The following FBXO41 variants were observed in gnomAD, a reference collection of about 807,000 sequenced individuals.
FBXO41 encodes the protein F-box only protein 41.
FBXO41 carries 33 observed loss-of-function variants against 81.6 expected under a neutral mutation model. That is an observed-to-expected ratio of 0.40 (90% CI 0.31 to 0.54). FBXO41 has a LOEUF of 0.54. Ranked by LOEUF, FBXO41 falls within the 20% of genes least tolerant of loss-of-function variation. The pLI is 0.39. For missense variants in FBXO41, 1,107 were observed against 1,236.0 expected (o/e 0.90, Z 1.56); for synonymous variants, 576 against 552.7 (o/e 1.04, Z -0.59).
At chr2:73,281,334 G>A (rs1688842418) in intron 1 of FBXO41, among the ~76,000 whole-genome samples, 1 of 152,210 alleles carries the variant, frequency 6.6e-6, no homozygotes, top group South Asian at 2.1e-4. Context: ...CTAGGATGAG[G>A]AAACTGAGGC....
rs1197347368 is a variant in FBXO41 at position 73,269,541 on chromosome 2, C to G, written c.90G>C (p.Glu30Asp). The G allele has an allele frequency of 3.7e-6, 5 of 1,367,718 alleles. No homozygotes were observed. The East Asian group carries it at 1.8e-4, about 50-fold the overall frequency. 84.7% of individuals were successfully genotyped at this position (1,367,718 alleles called of 1,614,324 possible). ...RSLSSLRAHL[E>D]YSHTYETLYI... ...AGAGCGTCTCGTAGGTGTGGCTGTA[C>G]TCCAGGTGCGCGCGCAGCGACGACA... Residue 30 changes from glutamate to aspartate, a missense_variant, in exon 2 of 13, where the codon GAG becomes GAC. Physicochemically the swap from Glu to Asp is conservative, Grantham distance 45 (BLOSUM62 2). This residue lies in a region of FBXO41 where 771 missense variants were observed against 789.2 expected (regional missense o/e 0.98). Transcript: ENST00000520530. This position sits in a 1 kb window ranked among gnomAD's most constrained non-coding sequence, Gnocchi z 7.0.
At position 73,260,438 on chromosome 2, in the gene FBXO41, C is replaced by T; in HGVS notation, c.2400G>A (p.Leu800=). The change falls in exon 11 of 13, where the codon CTG becomes CTA. Residue 800 remains leucine (L), a synonymous_variant. Transcript: ENST00000520530. This position sits in a 1 kb window ranked among gnomAD's most constrained non-coding sequence, Gnocchi z 5.0. ...GGGTGACGGGAGTCGCCGTGAGCACCAGCATCTCCAGTCCCTTCAGGCCTT... is the reference window on the plus strand; with the variant it reads ...GGGTGACGGGAGTCGCCGTGAGCACTAGCATCTCCAGTCCCTTCAGGCCTT... The part of the protein sequence containing the change: ...CREGLKGLEM[L]VLTATPVTPK... 10 of 1,610,220 alleles carry T rather than the reference C, an allele frequency of 6.2e-6. No individual in the cohort carries two copies. Among genetic ancestry groups the T allele is most frequent in the African/African-American group, 1.3e-5 (1 of 74,964 alleles).
Position 73,260,694 on chromosome 2 carries a change from T to C in FBXO41, c.2290+46A>G. The C allele has an allele frequency of 6.6e-7, 1 of 1,514,928 alleles. No homozygotes were observed. Among genetic ancestry groups the C allele is most frequent in the Non-Finnish European group, 8.9e-7 (1 of 1,122,428 alleles). The allele number at this position is 1,514,928 out of a possible 1,614,324, so 93.8% of individuals were successfully genotyped here. ...ATTTCACAAGGCAGCACTGCACCCATGCCTGCTTCCCACTACCCACCACCC... is the reference window on the plus strand; with the variant it reads ...ATTTCACAAGGCAGCACTGCACCCACGCCTGCTTCCCACTACCCACCACCC... On this transcript the variant is annotated intron_variant, in intron 10 of 12. Coordinates refer to ENST00000520530, the MANE Select transcript of FBXO41 (RefSeq NM_001371389.2). This position sits in a 1 kb window ranked among gnomAD's most constrained non-coding sequence, Gnocchi z 5.0.
intron 1 of FBXO41, among the ~76,000 whole-genome samples, chr2:73,279,253 G>C (rs923383648): frequency 6.6e-6 from 1 of 152,180 alleles, no homozygotes; most frequent in African/African-American, 2.4e-5. Flanking sequence ...AGGAAAAATG[G>C]AGGAAGGCAA....
intron 1 of FBXO41, among the ~76,000 whole-genome samples, chr2:73,275,495 A>G (rs535424502): frequency 6.6e-6 from 1 of 152,158 alleles, no homozygotes; most frequent in East Asian, 1.9e-4. Context: ...TTTGCATTTT[A>G]TAACCCAGCT....
At chr2:73,273,455 C>T (rs993263768) in intron 1 of FBXO41, among the ~76,000 whole-genome samples, 2 of 152,202 alleles carry the variant, frequency 1.3e-5, no homozygotes, top group African/African-American at 4.8e-5. Flanking sequence ...CCTTTGAGAA[C>T]CATTGCCTGC....
At chr2:73,268,627 G>T in intron 2 of FBXO41, 99 bp downstream of exon 2, 2 of 1,195,508 alleles carry the variant, frequency 1.7e-6, no homozygotes, top group African/African-American at 1.5e-5. Context: ...ACAAAGCCAT[G>T]GCCACATACA....
rs1009979196 is a variant in FBXO41, at chr2:73,269,414, G to A, written c.217C>T (p.Leu73=). ...GFPLAPEPAA[L]LAVPGARREV... Reference sequence around the variant, plus strand: ...CGCCGGGCGCCGGGCACGGCCAGCAGGGCGGCGGGCTCGGGAGCCAGCGGG... The same window carrying A: ...CGCCGGGCGCCGGGCACGGCCAGCAAGGCGGCGGGCTCGGGAGCCAGCGGG... The change falls in exon 2 of 13, where the codon CTG becomes TTG. Residue 73 remains leucine (L), a synonymous_variant. Transcript: ENST00000520530. This position sits in a 1 kb window ranked among gnomAD's most constrained non-coding sequence, Gnocchi z 7.0. The A allele has an allele frequency of 3.5e-6, 5 of 1,409,248 alleles. No individual in the cohort carries two copies. The African/African-American group carries it at 4.5e-5, about 13-fold the overall frequency. The allele number at this position is 1,409,248 out of a possible 1,614,324, so 87.3% of individuals were successfully genotyped here.
rs563381883 is a variant in FBXO41 at position 73,260,279 on chromosome 2, C to T, written c.2449+110G>A. 3 of 1,421,748 alleles carry T rather than the reference C, an allele frequency of 2.1e-6. No individual in the cohort carries two copies. In the Admixed American group the frequency reaches 6.4e-5, roughly 30 times the overall value. 88.1% of individuals were successfully genotyped at this position (1,421,748 alleles called of 1,614,324 possible). ...CTTAACCTGTCCCCCTGCCTCTGCC[C>T]TTGGCTGGAGACTCTGATCCATCTG... is the stretch of plus-strand genomic sequence containing the variant. On this transcript the variant is annotated intron_variant, in intron 11 of 12. Coordinates refer to ENST00000520530, the MANE Select transcript of FBXO41 (RefSeq NM_001371389.2). This position sits in a 1 kb window ranked among gnomAD's most constrained non-coding sequence, Gnocchi z 5.0.
In FBXO41 at chr2:73,284,324, G is replaced by A. The variant is rs1358137032; in HGVS notation, c.-303C>T. 2 of 152,092 alleles carry A rather than the reference G, an allele frequency of 1.3e-5. No individual in the cohort carries two copies. Among genetic ancestry groups the A allele is most frequent in the African/African-American group, 4.8e-5 (2 of 41,434 alleles). 9.4% of individuals were successfully genotyped at this position (152,092 alleles called of 1,614,324 possible). On this transcript the variant is annotated 5_prime_UTR_variant, in exon 1 of 13. Coordinates refer to ENST00000520530, the MANE Select transcript of FBXO41 (RefSeq NM_001371389.2). This position sits in a 1 kb window ranked among gnomAD's most constrained non-coding sequence, Gnocchi z 7.4. ...GGCTAGCGCCCCCGCCTCCCTCTCG[G>A]GGCGGGGGCGGCCGAACCTCCCAGC...
chr2:73,269,719 C>T lies in FBXO41; in HGVS notation c.-89G>A. The T allele has an allele frequency of 3.0e-6, 3 of 986,958 alleles. No homozygotes were observed. The highest frequency in any genetic ancestry group is 3.7e-6 in the Non-Finnish European group (3 of 802,808). The allele number at this position is 986,958 out of a possible 1,614,324, so 61.1% of individuals were successfully genotyped here. A position where few individuals can be genotyped will look rare whatever the true frequency, so the allele number is the denominator to read the frequency against. ...CTCATGGGGGACCGCGGGCGAGGCC[C>T]CCTGCGGGGTCAGGAAGGCTCAGGG... On this transcript the variant is annotated 5_prime_UTR_variant, in exon 2 of 13. Transcript: ENST00000520530. The surrounding 1 kb of genome is among the most constrained non-coding windows in gnomAD (Gnocchi z 7.0).
chr2:73,269,196 A>C lies in FBXO41; in HGVS notation c.435T>G (p.Tyr145Ter). Reference protein sequence around the residue: ...PGLVPAAAARYALREIEIPLG... With the variant: ...PGLVPAAAAR ...GCGGGATCTCGATCTCGCGCAGCGC[A>C]TAGCGCGCTGCTGCGGCGGGCACAA... The change falls in exon 2 of 13, where the codon TAT becomes TAG. Residue 145 changes from tyrosine to a stop codon, truncating the protein, a stop_gained. Coordinates refer to ENST00000520530, the MANE Select transcript of FBXO41 (RefSeq NM_001371389.2). LOFTEE classifies it high-confidence loss of function. This position sits in a 1 kb window ranked among gnomAD's most constrained non-coding sequence, Gnocchi z 7.0. The C allele has an allele frequency of 6.5e-7, 1 of 1,526,772 alleles. No homozygotes were observed. The highest frequency in any genetic ancestry group is 8.8e-7 in the Non-Finnish European group (1 of 1,139,704). 94.6% of individuals were successfully genotyped at this position (1,526,772 alleles called of 1,614,324 possible).
Position 73,265,429 on chromosome 2 carries a change from T to C in FBXO41, c.1417A>G (p.Arg473Gly). Residue 473 changes from arginine to glycine, a missense_variant, in exon 5 of 13, where the codon AGA (arginine) becomes GGA (glycine). Arg to Gly is a moderately radical substitution (Grantham distance 125). Transcript: ENST00000520530. ...CCCTCAGTGCTGTGTCGGCGGGGTCTGCGCTGCCAGTTCTGGATGGCCTGG... is the reference window on the plus strand; with the variant it reads ...CCCTCAGTGCTGTGTCGGCGGGGTCCGCGCTGCCAGTTCTGGATGGCCTGG... ...RRQAIQNWQR[R>G]PRRHSTEGEE... is the part of the protein sequence containing the mutation. 1 of 1,608,270 alleles carries C rather than the reference T, an allele frequency of 6.2e-7. No homozygotes were observed. The highest frequency in any genetic ancestry group is 1.1e-5 in the South Asian group (1 of 91,056).
chr2:73,279,048 C>T (rs76592647), intron 1 of FBXO41, among the ~76,000 whole-genome samples: 4,439 of 152,092 alleles, frequency 0.029, 194 homozygotes, highest in African/African-American at 0.098. Flanking sequence ...GTTGGAACAC[C>T]GGAAGTGGAA....
rs1362129123 is a variant in FBXO41, at chr2:73,258,938, C to T, written c.*44G>A. On this transcript the variant is annotated 3_prime_UTR_variant, in exon 13 of 13. Coordinates refer to ENST00000520530, the MANE Select transcript of FBXO41 (RefSeq NM_001371389.2). Reference sequence around the variant, plus strand: ...GTCCCTCTGAGGTCCAAAGAGAGTGCCCTGGTGTGGGGCTGGCAGGGGCCC... The same window carrying T: ...GTCCCTCTGAGGTCCAAAGAGAGTGTCCTGGTGTGGGGCTGGCAGGGGCCC... 3 of 1,536,282 alleles carry T rather than the reference C, an allele frequency of 2.0e-6. No individual in the cohort carries two copies. Among genetic ancestry groups the T allele is most frequent in the African/African-American group, 2.8e-5 (2 of 72,308 alleles).
rs769970617 is a variant in FBXO41, at chr2:73,265,568, C to T, written c.1278G>A (p.Arg426=). 1 of 1,565,594 alleles carries T rather than the reference C, an allele frequency of 6.4e-7. No homozygotes were observed. Among genetic ancestry groups the T allele is most frequent in the Non-Finnish European group, 8.6e-7 (1 of 1,157,916 alleles). The change falls in exon 5 of 13, where the codon AGG becomes AGA. Residue 426 remains arginine (R), a synonymous_variant. Transcript: ENST00000520530. ...CYDSDSLELP[R]PEEGAPEDSG... ...TGTCCTCAGGGGCCCCCTCCTCTGG[C>T]CTGGGCAGCTCCAGACTGTCACTGT...
chr2:73,263,253 T>C lies in FBXO41; in HGVS notation c.2131A>G (p.Arg711Gly). The C allele has an allele frequency of 6.4e-7, 1 of 1,556,964 alleles. No individual in the cohort carries two copies. ...EVIWALGAGC[R>G]EIVSLQVAPL... is the part of the protein sequence containing the mutation. ...GCCACTTGGAGGGAGACGATCTCTC[T>C]GCAGCCTGCGCCCAGGGCCCAAATG... The change falls in exon 9 of 13, where the codon AGA becomes GGA. Residue 711 changes from arginine (R) to glycine (G), a missense_variant. By Grantham distance (125) the Arg-to-Gly change is moderately radical (BLOSUM62 -2). Transcript: ENST00000520530.
chr2:73,279,275 A>T (rs1055937862), intron 1 of FBXO41, among the ~76,000 whole-genome samples: 1 of 152,156 alleles, frequency 6.6e-6, no homozygotes, highest in Non-Finnish European at 1.5e-5. Context: ...TTTTGAAGGG[A>T]GATAATTTTG....
intron 1 of FBXO41, among the ~76,000 whole-genome samples, chr2:73,272,597 C>A (rs1043526904): frequency 6.6e-6 from 1 of 152,168 alleles, no homozygotes; most frequent in Non-Finnish European, 1.5e-5. Context: ...TGAGAAGGGG[C>A]AGATGACCTT....
Sources: allele counts gnomAD v4.1 joint callset (sites outside exome capture counted in the v4.1 genomes callset), GRCh38; gene constraint gnomAD v4.1.1; regional missense constraint gnomAD v4.1.1; non-coding constraint Gnocchi (gnomAD v3.1); transcripts MANE v1.5; gene names NCBI Gene and HGNC (gene_info 2026-07-23, HGNC 2026-07-21).